TBCK: variants seen among roughly 807,000 people sequenced by gnomAD.
The protein encoded by TBCK is TBC1 domain containing kinase.
A neutral mutation model predicts 113.4 loss-of-function variants in TBCK; 99 were observed. The observed-to-expected ratio is 0.87, with a 90% CI of 0.74 to 1.03. The LOEUF (loss-of-function observed/expected upper bound fraction) is 1.03. Ranked by LOEUF, TBCK falls within the 50% of genes least tolerant of loss-of-function variation. The pLI, the probability that TBCK is intolerant of heterozygous loss-of-function variation, is 0.00. For synonymous variants in TBCK, 369 were observed against 370.8 expected, an observed-to-expected ratio of 1.00 and a Z score of 0.05; for missense variants, 1,045 against 1,061.3, an observed-to-expected ratio of 0.98 and a Z score of 0.21.
intron 22 of TBCK, among the ~76,000 whole-genome samples, chr4:106,192,858 G>C (rs764838790): frequency 6.6e-5 from 10 of 151,834 alleles, no homozygotes; most frequent in Non-Finnish European, 1.2e-4. Context: ...CAGTAACTTG[G>C]GCCTGCCTGA....
intron 23 of TBCK, among the ~76,000 whole-genome samples, chr4:106,118,940 T>C (rs1205377260): frequency 1.3e-5 from 2 of 152,242 alleles, no homozygotes; most frequent in African/African-American, 4.8e-5. Context: ...TGTAAAGAAC[T>C]TTAATGTATA....
At chr4:106,047,243 C>A (rs886192810) in intron 25 of TBCK, among the ~76,000 whole-genome samples, 2 of 152,194 alleles carry the variant, frequency 1.3e-5, no homozygotes, top group African/African-American at 4.8e-5. Flanking sequence ...TTCTAGATGT[C>A]TAGCACAAGA....
intron 9 of TBCK, 35 bp downstream of exon 9, chr4:106,248,210 T>C (rs1389444176): frequency 1.4e-6 from 2 of 1,454,790 alleles, no homozygotes; most frequent in African/African-American, 2.9e-5. Context: ...GCGTAAAGGA[T>C]CTCAATGTAA....
intron 25 of TBCK, among the ~76,000 whole-genome samples, chr4:106,086,962 TCA>T (rs1259189669): frequency 6.6e-6 from 1 of 152,068 alleles, no homozygotes; most frequent in Non-Finnish European, 1.5e-5. Context: ...TATGACAAAC[TCA>T]CAGCCAATTT....
chr4:106,306,937 T>C (rs1164131961), intron 2 of TBCK, among the ~76,000 whole-genome samples: 4 of 152,248 alleles, frequency 2.6e-5, no homozygotes, highest in African/African-American at 9.6e-5. Flanking sequence ...TGTCTGTGTG[T>C]ATATACCTAT....
chr4:106,247,947 T>C (rs1374267489), intron 9 of TBCK: 2 of 212,826 alleles, frequency 9.4e-6, no homozygotes, highest in African/African-American at 2.3e-5. Context: ...GATGTTATTA[T>C]TGGGTCTAGG....
intron 3 of TBCK, among the ~76,000 whole-genome samples, chr4:106,266,396 C>T (rs948326718): frequency 5.3e-5 from 8 of 151,828 alleles, no homozygotes; most frequent in African/African-American, 1.9e-4. Flanking sequence ...CAGCTGCATA[C>T]TACTTCAATA....
chr4:106,260,430 T>C lies in TBCK; in HGVS notation c.455+7A>G, dbSNP rs1374181238. 13 of 1,286,216 alleles carry C rather than the reference T, an allele frequency of 1.0e-5. No individual in the cohort carries two copies. Among genetic ancestry groups the C allele is most frequent in the Non-Finnish European group, 1.3e-5 (13 of 969,922 alleles). The allele number at this position is 1,286,216 out of a possible 1,614,324, so 79.7% of individuals were successfully genotyped here. ...GAAACTCAAAATAGAGGAAAACATA[T>C]CCTTACCCTATTGGGAAATCAACAT... On this transcript the variant is annotated splice_region_variant and intron_variant, in intron 5 of 25. Transcript: ENST00000394708.
chr4:106,194,806 A>G, intron 20 of TBCK, 52 bp from the exon 21 acceptor site: 1 of 1,417,636 alleles, frequency 7.1e-7, no homozygotes, highest in Non-Finnish European at 9.7e-7. Context: ...AATAAAAAAG[A>G]TAATTAGAAT....
intron 25 of TBCK, among the ~76,000 whole-genome samples, chr4:106,071,045 C>A (rs1269769462): frequency 6.6e-6 from 1 of 152,124 alleles, no homozygotes; most frequent in Admixed American, 6.6e-5. Flanking sequence ...TTTCAACAAA[C>A]CAGCTCTTGG....
intron 25 of TBCK, among the ~76,000 whole-genome samples, chr4:106,059,190 C>T (rs62320117): frequency 0.1 from 11,569 of 112,994 alleles, 509 homozygotes; most frequent in Middle Eastern, 0.23. Context: ...AGTTTTGTTA[C>T]CTGTTAAATG....
chr4:106,192,602 T>C (rs1384754286), intron 22 of TBCK, among the ~76,000 whole-genome samples: 2 of 152,082 alleles, frequency 1.3e-5, no homozygotes, highest in African/African-American at 4.8e-5. Context: ...AATAAAAAGT[T>C]TTAAATAAAT....
chr4:106,094,039 T>G (rs1740633629), intron 25 of TBCK, among the ~76,000 whole-genome samples: 1 of 152,122 alleles, frequency 6.6e-6, no homozygotes. Context: ...TCCTCTCGAT[T>G]TTGCTCTGTG....
At chr4:106,180,302 T>A (rs915565306) in intron 22 of TBCK, among the ~76,000 whole-genome samples, 27 of 152,042 alleles carry the variant, frequency 1.8e-4, no homozygotes, top group Non-Finnish European at 4.4e-5. Flanking sequence ...TATTTGCTTG[T>A]TTTGTAGACA....
At chr4:106,145,596 C>CTA (rs1242132139) in intron 23 of TBCK, among the ~76,000 whole-genome samples, 1 of 152,086 alleles carries the variant, frequency 6.6e-6, no homozygotes, top group African/African-American at 2.4e-5. Context: ...GTTGTTTATA[C>CTA]TATAATCTAT....
chr4:106,117,199 T>TA (rs1419698731), intron 23 of TBCK, among the ~76,000 whole-genome samples: 2 of 151,902 alleles, frequency 1.3e-5, no homozygotes, highest in African/African-American at 2.4e-5. Flanking sequence ...GAGAGTGCTT[T>TA]AAAAAAAACA....
At chr4:106,250,365 CTAATAG>C in intron 7 of TBCK, 47 bp downstream of exon 7, 2 of 1,200,530 alleles carry the variant, frequency 1.7e-6, no homozygotes. Context: ...TGCATGATTA[CTAATAG>C]TAAGTTATAT....
chr4:106,296,617 T>C (rs902028896), intron 2 of TBCK, among the ~76,000 whole-genome samples: 3 of 152,146 alleles, frequency 2.0e-5, no homozygotes, highest in Non-Finnish European at 4.4e-5. Context: ...TTGGATCTTA[T>C]CTAAGTTTAC....
intron 25 of TBCK, among the ~76,000 whole-genome samples, chr4:106,090,098 GC>G (rs1740038062): frequency 1.3e-5 from 2 of 152,176 alleles, no homozygotes; most frequent in Admixed American, 6.5e-5. Flanking sequence ...CCTGTAGTAG[GC>G]TTCTGCCTGG....
Sources: gnomAD v4.1 joint callset for allele counts (sites outside exome capture counted in the v4.1 genomes callset) on GRCh38, gnomAD v4.1.1 for gene constraint, MANE v1.5 for transcripts, NCBI Gene and HGNC (gene_info 2026-07-23, HGNC 2026-07-21) for gene names.